The following CIMIP2B variants were observed in gnomAD, a reference collection of about 807,000 sequenced individuals.
CIMIP2B encodes ciliary microtubule inner protein 2B, also known as family with sequence similarity 166 member B.
chr9:35,562,549 G>A, the CIMIP2B span: 6 of 1,586,682 alleles, frequency 3.8e-6, no homozygotes, highest in Non-Finnish European at 5.1e-6. Context: ...AGAGGAAGCG[G>A]GCGCAGGGCA....
the CIMIP2B span, chr9:35,562,770 C>T: frequency 5.0e-6 from 8 of 1,609,966 alleles, no homozygotes; most frequent in Non-Finnish European, 5.9e-6. Context: ...AGTGCACATC[C>T]CCTGAACCCA....
the CIMIP2B span, chr9:35,562,559 A>G: frequency 9.7e-5 from 155 of 1,594,956 alleles, no homozygotes; most frequent in Middle Eastern, 3.3e-4. Flanking sequence ...GGCGCAGGGC[A>G]CATAGCCAGT....
chr9:35,562,983 C>A, the CIMIP2B span: 1 of 1,614,012 alleles, frequency 6.2e-7, no homozygotes, highest in Non-Finnish European at 8.5e-7. Flanking sequence ...GCTCTTCACT[C>A]CCTTGCTTTT....
At chr9:35,561,927 ACC>A in the CIMIP2B span, 2 of 192,554 alleles carry the variant, frequency 1.0e-5, no homozygotes, top group South Asian at 3.6e-5. Context: ...CCACCCTCCC[ACC>A]CTCCCACCCA....
chr9:35,562,125 AGCAAGTG>A, the CIMIP2B span: 36 of 1,461,564 alleles, frequency 2.5e-5, no homozygotes, highest in Admixed American at 4.3e-5. Context: ...TGTCACATGT[AGCAAGTG>A]GCATGGCAAA....
At chr9:35,561,883 C>T in the CIMIP2B span, 5 of 716,252 alleles carry the variant, frequency 7.0e-6, no homozygotes, top group Admixed American at 2.1e-5. Flanking sequence ...AAAAAAGGTG[C>T]TCAGCCTCCA....
the CIMIP2B span, chr9:35,563,408 CA>C: frequency 6.3e-7 from 1 of 1,582,430 alleles, no homozygotes; most frequent in Non-Finnish European, 8.6e-7. Context: ...CAGACTCTCC[CA>C]CTCACCAGAA....
the CIMIP2B span, chr9:35,562,137 G>A: frequency 8.8e-5 from 124 of 1,409,798 alleles, no homozygotes; most frequent in Admixed American, 4.3e-4. Flanking sequence ...CAAGTGGCAT[G>A]GCAAAGCCAT....
the CIMIP2B span, chr9:35,563,875 G>A: frequency 3.2e-6 from 5 of 1,561,348 alleles, no homozygotes; most frequent in East Asian, 4.5e-5. Context: ...CAAGGCTCTG[G>A]TCTGTGTGTA....
the CIMIP2B span, chr9:35,562,162 G>C: frequency 1.6e-6 from 2 of 1,277,588 alleles, no homozygotes; most frequent in Non-Finnish European, 2.1e-6. Flanking sequence ...TTCTCAGCCA[G>C]TTGGCTAGAC....
At chr9:35,562,281 A>ATATC in the CIMIP2B span, 2 of 1,119,818 alleles carry the variant, frequency 1.8e-6, no homozygotes, top group Non-Finnish European at 2.5e-6. Flanking sequence ...GAGCCCTCCC[A>ATATC]TATCTATTAG....
At chr9:35,563,358 T>C in the CIMIP2B span, 2 of 1,613,636 alleles carry the variant, frequency 1.2e-6, no homozygotes, top group South Asian at 2.2e-5. Flanking sequence ...TGGCCCACGC[T>C]GAACCGAAGT....
chr9:35,563,047 T>G, the CIMIP2B span: 1 of 1,613,988 alleles, frequency 6.2e-7, no homozygotes, highest in Non-Finnish European at 8.5e-7. Context: ...GCTGCAGTTC[T>G]TGGCAAAGAT....
the CIMIP2B span, chr9:35,561,907 T>A: frequency 1.4e-6 from 1 of 719,528 alleles, no homozygotes; most frequent in Admixed American, 2.2e-5. Flanking sequence ...CATTTTCTCT[T>A]TGTGTTCCCC....
chr9:35,562,800 GCCCCCACTGCCCGGACACACAGTAAGA>G, the CIMIP2B span: 3 of 1,607,230 alleles, frequency 1.9e-6, no homozygotes, highest in African/African-American at 1.3e-5. Flanking sequence ...TACTCATGCT[GCCCCCACTGCCCGGACACACAGTAAGA>G]CCCCCACTCC....
chr9:35,563,233 G>A, the CIMIP2B span: 12 of 1,613,886 alleles, frequency 7.4e-6, no homozygotes, highest in African/African-American at 2.7e-5. Context: ...GACTCTCCCT[G>A]GGAACCTCAG....
At chr9:35,563,750 C>A in the CIMIP2B span, 23 of 1,611,678 alleles carry the variant, frequency 1.4e-5, no homozygotes, top group Non-Finnish European at 1.9e-5. Context: ...GCGGGGAGCG[C>A]TAAGTGGGAG....
chr9:35,562,786 A>G, the CIMIP2B span: 5 of 1,609,076 alleles, frequency 3.1e-6, no homozygotes, highest in South Asian at 5.5e-5. Context: ...ACCCACAGCC[A>G]CACTACTCAT....
chr9:35,563,349 G>C, the CIMIP2B span: 1 of 1,613,830 alleles, frequency 6.2e-7, no homozygotes. Flanking sequence ...CCATAGGTCT[G>C]GCCCACGCTG....
Sources: allele counts gnomAD v4.1 joint callset, GRCh38; gene constraint gnomAD v4.1.1; transcripts MANE v1.5; gene names NCBI Gene and HGNC (gene_info 2026-07-23, HGNC 2026-07-21).